KDM4C: variants seen among roughly 807,000 people sequenced by gnomAD.
The protein encoded by KDM4C is lysine demethylase 4C.
Under a neutral mutation model 129.3 loss-of-function variants are expected in KDM4C, and 81 were observed. The ratio of observed to expected loss-of-function variants is 0.63; its 90% confidence interval spans 0.52 to 0.75. The LOEUF (loss-of-function observed/expected upper bound fraction) is 0.75. KDM4C is among the 30% of genes least tolerant of loss of function. The pLI is 0.00. For missense variants in KDM4C, 1,457 were observed against 1,304.0 expected (o/e 1.12, Z -1.81); for synonymous variants, 573 against 456.1 (o/e 1.26, Z -3.26).
intron 4 of KDM4C, among the ~76,000 whole-genome samples, chr9:6,818,564 A>T (rs1832523440): frequency 6.6e-6 from 1 of 152,122 alleles, no homozygotes; most frequent in Admixed American, 6.5e-5. Context: ...ATGGTGAGGG[A>T]TGTGGGCAGA....
chr9:6,905,602 A>G (rs879417669), intron 8 of KDM4C, among the ~76,000 whole-genome samples: 1 of 152,264 alleles, frequency 6.6e-6, no homozygotes, highest in East Asian at 1.9e-4. Context: ...TTGAGAAAGC[A>G]TGACCAAGAC....
intron 4 of KDM4C, among the ~76,000 whole-genome samples, chr9:6,822,626 G>T (rs1202046762): frequency 6.6e-6 from 1 of 152,154 alleles, no homozygotes; most frequent in Non-Finnish European, 1.5e-5. Flanking sequence ...GGGCTGGTCT[G>T]CCGATGAAGT....
At chr9:7,010,319 A>C (rs554486787) in intron 12 of KDM4C, among the ~76,000 whole-genome samples, 28 of 152,322 alleles carry the variant, frequency 1.8e-4, no homozygotes, top group African/African-American at 6.3e-4. Context: ...TAACAACAAC[A>C]ACCATGATAA....
chr9:6,748,684 C>G (rs780119296), intron 1 of KDM4C: 4 of 1,306,774 alleles, frequency 3.1e-6, no homozygotes, highest in Non-Finnish European at 4.4e-6. Context: ...TCAACAATTT[C>G]TCACTTCATT....
chr9:6,873,022 G>C (rs1188606980), intron 5 of KDM4C, among the ~76,000 whole-genome samples: 1 of 152,102 alleles, frequency 6.6e-6, no homozygotes, highest in Non-Finnish European at 1.5e-5. Context: ...CGCCTCCTGG[G>C]TTCAAGCAAT....
chr9:6,893,121 G>T lies in KDM4C; in HGVS notation c.810G>T (p.Met270Ile). 6.3e-7 allele frequency: 1 copy of T among 1,591,478 alleles called. No individual in the cohort carries two copies. The highest frequency in any genetic ancestry group is 8.6e-7 in the Non-Finnish European group (1 of 1,168,546). The change falls in exon 8 of 22, where the codon ATG becomes ATT. Residue 270 changes from methionine to isoleucine, a missense_variant. By Grantham distance (10) the Met-to-Ile change is conservative. Transcript: ENST00000381309. Reference sequence around the variant, plus strand: ...TAACCCAGGAGGCTGGAGAATTCATGATCACTTTCCCATATGGCTACCATG... The same window carrying T: ...TAACCCAGGAGGCTGGAGAATTCATTATCACTTTCCCATATGGCTACCATG... ...DKITQEAGEFMITFPYGYHAG... is the reference protein window; with the variant it reads ...DKITQEAGEFIITFPYGYHAG...
intron 8 of KDM4C, among the ~76,000 whole-genome samples, chr9:6,961,798 T>C (rs1830099851): frequency 6.6e-6 from 1 of 152,260 alleles, no homozygotes; most frequent in African/African-American, 2.4e-5. Flanking sequence ...ATTGTCATGA[T>C]TATTTTTCCA....
At chr9:7,014,712 A>G (rs750098750) in intron 14 of KDM4C, among the ~76,000 whole-genome samples, 4 of 152,118 alleles carry the variant, frequency 2.6e-5, no homozygotes, top group Admixed American at 1.3e-4. Context: ...TACTTTGTCA[A>G]TGTAGTTTGA....
At chr9:6,856,129 C>T (rs1172632749) in intron 5 of KDM4C, among the ~76,000 whole-genome samples, 1 of 151,842 alleles carries the variant, frequency 6.6e-6, no homozygotes. Flanking sequence ...TAAACATTTG[C>T]TCAGTGAACA....
chr9:6,912,466 G>A (rs112916953), intron 8 of KDM4C, among the ~76,000 whole-genome samples: 2,218 of 152,262 alleles, frequency 0.015, 60 homozygotes, highest in African/African-American at 0.05. Flanking sequence ...CATAGTCCTG[G>A]CATTCATTGT....
intron 8 of KDM4C, among the ~76,000 whole-genome samples, chr9:6,966,650 A>C (rs554012708): frequency 6.6e-6 from 1 of 152,356 alleles, no homozygotes; most frequent in South Asian, 2.1e-4. Context: ...CCTTAATAGA[A>C]GAGTTAATCC....
At chr9:6,949,913 T>G (rs141557469) in intron 8 of KDM4C, among the ~76,000 whole-genome samples, 1,600 of 152,306 alleles carry the variant, frequency 0.011, 16 homozygotes, top group Non-Finnish European at 0.015. Flanking sequence ...TAAATTGATG[T>G]TCTTTCTGGA....
chr9:6,962,017 C>A (rs1361152168), intron 8 of KDM4C, among the ~76,000 whole-genome samples: 1 of 152,160 alleles, frequency 6.6e-6, no homozygotes, highest in Non-Finnish European at 1.5e-5. Context: ...GTAACATTAA[C>A]TTCGTTATGT....
At chr9:6,801,517 G>A (rs1332347021) in intron 2 of KDM4C, among the ~76,000 whole-genome samples, 4 of 151,124 alleles carry the variant, frequency 2.6e-5, no homozygotes, top group African/African-American at 9.7e-5. Context: ...GATTACAGGC[G>A]TGAGCTACCG....
chr9:6,744,168 G>GA (rs539126108), intron 1 of KDM4C, among the ~76,000 whole-genome samples: 368 of 152,088 alleles, frequency 2.4e-3, no homozygotes, highest in African/African-American at 8.0e-3. Context: ...ACAGCGTTTG[G>GA]AAAAAAATTA....
intron 5 of KDM4C, among the ~76,000 whole-genome samples, chr9:6,875,235 G>C (rs1843373586): frequency 6.6e-6 from 1 of 152,188 alleles, no homozygotes; most frequent in Non-Finnish European, 1.5e-5. Flanking sequence ...TTCTGGTGCT[G>C]TATTCCGGGA....
intron 5 of KDM4C, among the ~76,000 whole-genome samples, chr9:6,867,346 A>C (rs1444268833): frequency 6.6e-6 from 1 of 152,116 alleles, no homozygotes; most frequent in Non-Finnish European, 1.5e-5. Context: ...TTTTCTGTGA[A>C]GGTTGTGGGA....
At chr9:6,994,372 C>G (rs1298403937) in intron 12 of KDM4C, among the ~76,000 whole-genome samples, 2 of 152,192 alleles carry the variant, frequency 1.3e-5, no homozygotes, top group African/African-American at 4.8e-5. Flanking sequence ...GTGTGGCACT[C>G]TTTTCCTTCT....
At chr9:7,165,930 C>G (rs954361438) in intron 20 of KDM4C, among the ~76,000 whole-genome samples, 3 of 152,154 alleles carry the variant, frequency 2.0e-5, no homozygotes, top group African/African-American at 7.2e-5. Flanking sequence ...CCAGGGAACC[C>G]TACGTAGTAT....
Sources: allele counts gnomAD v4.1 joint callset (sites outside exome capture counted in the v4.1 genomes callset), GRCh38; gene constraint gnomAD v4.1.1; transcripts MANE v1.5; gene names NCBI Gene and HGNC (gene_info 2026-07-23, HGNC 2026-07-21).